Variants in HGS observed in about 807,000 individuals in gnomAD.
HGS encodes hepatocyte growth factor-regulated tyrosine kinase substrate, also known as human growth factor-regulated tyrosine kinase substrate.
In HGS, 63 loss-of-function variants were observed where a neutral mutation model predicts 109.7. That is an observed-to-expected ratio of 0.57 (90% confidence interval 0.47 to 0.71). The LOEUF (loss-of-function observed/expected upper bound fraction) is 0.71. Ranked by LOEUF, HGS falls within the 30% of genes least tolerant of loss-of-function variation. HGS has a pLI of 0.00. For missense variants in HGS, 995 were observed against 1,068.3 expected (o/e 0.93, Z 0.96); for synonymous variants, 546 against 437.3 (o/e 1.25, Z -3.10).
chr17:81,697,100 T>C, intron 18 of HGS, 102 bp downstream of exon 18: 2 of 1,263,812 alleles, frequency 1.6e-6, no homozygotes, highest in East Asian at 2.4e-5. Flanking sequence ...GTTTTCCCAG[T>C]TGCCCCGATG....
intron 3 of HGS, among the ~76,000 whole-genome samples, chr17:81,686,709 G>A (rs1292444149): frequency 6.6e-6 from 1 of 152,390 alleles, no homozygotes; most frequent in East Asian, 1.9e-4. Context: ...AGGCTGCTGA[G>A]TCTCAGATGT....
chr17:81,690,416 G>C lies in HGS; in HGVS notation c.468+182G>C. On this transcript the variant is annotated intron_variant, in intron 6 of 21. Coordinates refer to ENST00000329138, the MANE Select transcript of HGS (RefSeq NM_004712.5). ...TGTCTCTGCAGGGCGAGGTGGAGAC[G>C]TGGCTTGAGGGCCTTTAGAGTGGCT... 3 of 688,542 alleles carry C rather than the reference G, an allele frequency of 4.4e-6. No individual in the cohort carries two copies. In the South Asian group the frequency reaches 5.5e-5, roughly 13 times the overall value. The allele number at this position is 688,542 out of a possible 1,614,324, so 42.7% of individuals were successfully genotyped here.
rs753189262 is a variant in HGS at position 81,695,049 on chromosome 17, C to T, written c.1101C>T (p.Ala367=). 3.7e-6 allele frequency: 6 copies of T among 1,613,572 alleles called. No individual in the cohort carries two copies. The highest frequency in any genetic ancestry group is 3.3e-4 in the Middle Eastern group (2 of 6,060). ...PAAQPGEGHA[A]PTNVVENPLP... ...CACAGCCTGGGGAAGGGCACGCAGC[C>T]CCCACCAACGTGGTGGAGGTGAGGG... Residue 367 remains alanine, a synonymous_variant, in exon 13 of 22, where the codon GCC becomes GCT. Transcript: ENST00000329138.
intron 1 of HGS, 41 bp downstream of exon 1, chr17:81,684,144 G>C: frequency 6.8e-7 from 1 of 1,479,262 alleles, no homozygotes; most frequent in Non-Finnish European, 9.0e-7. Flanking sequence ...TGGTCAGCCC[G>C]CAGCCTCCGC....
In HGS at chr17:81,687,000, C is replaced by T; in HGVS notation, c.199-3C>T. ...CAACCCTTCCCTTCCTGGGCATCTG[C>T]AGGTCATGGAATCTGTGGTAAAGAA... On this transcript the variant is annotated splice_polypyrimidine_tract_variant and splice_region_variant and intron_variant, in intron 3 of 21. Transcript: ENST00000329138. The T allele has an allele frequency of 1.2e-6, 2 of 1,612,062 alleles. No individual in the cohort carries two copies. The highest frequency in any genetic ancestry group is 1.7e-6 in the Non-Finnish European group (2 of 1,179,200).
intron 1 of HGS, chr17:81,684,326 C>T (rs2036935051): frequency 2.7e-6 from 1 of 375,860 alleles, no homozygotes; most frequent in Non-Finnish European, 4.7e-6. Flanking sequence ...CTGCGAGGGT[C>T]CGCGCAGGGC....
rs1480120116 is a variant in HGS, at chr17:81,684,056, T to G, written c.-11T>G. On this transcript the variant is annotated 5_prime_UTR_variant, in exon 1 of 22. Transcript: ENST00000329138. ...AGCGCCCGCGGCGTCGGGTTTGGGC[T>G]GGAGGTCGCCATGGGGCGAGGCAGC... 2.5e-6 allele frequency: 4 copies of G among 1,593,448 alleles called. No homozygotes were observed. Among genetic ancestry groups the G allele is most frequent in the African/African-American group, 1.3e-5 (1 of 74,540 alleles).
chr17:81,693,997 C>G (rs779093567), intron 11 of HGS, 32 bp downstream of exon 11: 7 of 1,574,650 alleles, frequency 4.4e-6, no homozygotes, highest in African/African-American at 4.1e-5. Context: ...GCTCCCTCTC[C>G]TGGAAGGCAG....
chr17:81,690,587 G>A (rs1250139891), intron 6 of HGS, 87 bp from the exon 7 acceptor site: 18 of 1,346,130 alleles, frequency 1.3e-5, no homozygotes, highest in South Asian at 6.6e-5. Flanking sequence ...CTCTGGGTCC[G>A]TTGCCTTCTG....
chr17:81,696,319 G>T, intron 15 of HGS, 38 bp from the exon 16 acceptor site: 1 of 1,507,606 alleles, frequency 6.6e-7, no homozygotes, highest in Non-Finnish European at 8.8e-7. Context: ...TCGGCACTGT[G>T]CCGGAGTGGT....
At chr17:81,688,037 T>C (rs1018924360) in intron 4 of HGS, among the ~76,000 whole-genome samples, 1 of 152,086 alleles carries the variant, frequency 6.6e-6, no homozygotes, top group Non-Finnish European at 1.5e-5. Context: ...GGCAGGGCTG[T>C]GAAGGGAAGG....
At chr17:81,694,057 G>C in intron 11 of HGS, 92 bp downstream of exon 11, 1 of 1,094,644 alleles carries the variant, frequency 9.1e-7, no homozygotes, top group Non-Finnish European at 1.3e-6. Context: ...TCAGGTTGGT[G>C]GGGGATGCGG....
rs1394565793 is a variant in HGS, at chr17:81,691,507, A to G, written c.598A>G (p.Ile200Val). 1 of 1,614,198 alleles carries G rather than the reference A, an allele frequency of 6.2e-7. No homozygotes were observed. The highest frequency in any genetic ancestry group is 8.5e-7 in the Non-Finnish European group (1 of 1,180,032). ...CGKCSSKYST[I>V]PKFGIEKEVR... is the part of the protein sequence containing the mutation. ...AAAGTGTTCTTCCAAGTACTCCACC[A>G]TCCCCAAGTTTGGCATCGAGAAGGA... The change falls in exon 8 of 22, where the codon ATC becomes GTC. Residue 200 changes from isoleucine to valine, a missense_variant. Physicochemically the swap from Ile to Val is conservative, Grantham distance 29 (BLOSUM62 3). Around this residue, in one of 6 missense-constraint regions of HGS, gnomAD observed 182 missense variants for 261.3 expected, o/e 0.70. Transcript: ENST00000329138. This position sits in a 1 kb window ranked among gnomAD's most constrained non-coding sequence, Gnocchi z 5.3.
chr17:81,693,988 C>T, intron 11 of HGS, 23 bp downstream of exon 11: 1 of 1,587,426 alleles, frequency 6.3e-7, no homozygotes, highest in Admixed American at 1.8e-5. Flanking sequence ...TGGGCTGGAG[C>T]TCCCTCTCCT....
Position 81,687,043 on chromosome 17 carries a change from A to G in HGS, c.239A>G (p.His80Arg). Residue 80 changes from histidine (H) to arginine (R), a missense_variant, in exon 4 of 22, where the codon CAT (histidine) becomes CGT (arginine). This residue lies in a region of HGS where 182 missense variants were observed against 261.3 expected (regional missense o/e 0.70). Transcript: ENST00000329138. ...GTAAAGAACTGTGGCCAGACAGTTCATGATGAGGTGGCCAACAAGCAGACC... is the reference window on the plus strand; with the variant it reads ...GTAAAGAACTGTGGCCAGACAGTTCGTGATGAGGTGGCCAACAAGCAGACC... ...SVVKNCGQTV[H>R]DEVANKQTME... The G allele has an allele frequency of 1.2e-6, 2 of 1,613,452 alleles. No homozygotes were observed. The highest frequency in any genetic ancestry group is 1.7e-6 in the Non-Finnish European group (2 of 1,179,938).
chr17:81,696,567 G>T, intron 16 of HGS, 38 bp downstream of exon 16: 1 of 1,556,212 alleles, frequency 6.4e-7, no homozygotes, highest in East Asian at 2.3e-5. Context: ...GGGCCGGCTG[G>T]GGGACCTCGC....
rs758987034 is a variant in HGS at position 81,688,696 on chromosome 17, G to A, written c.292-8G>A. The stretch of plus-strand genomic sequence containing the variant: ...CTGCGACCCTCACCCCCTTCTCCCT[G>A]CCTGCAGAGACAAGTGGAGGTAAAC... On this transcript the variant is annotated splice_region_variant and splice_polypyrimidine_tract_variant and intron_variant, in intron 4 of 21. Coordinates refer to ENST00000329138, the MANE Select transcript of HGS (RefSeq NM_004712.5). The A allele has an allele frequency of 1.4e-4, 221 of 1,613,342 alleles. 4 individuals carry two copies. The East Asian group carries it at 4.7e-3, about 34-fold the overall frequency.
At chr17:81,700,037 T>G (rs1166010744) in intron 18 of HGS, among the ~76,000 whole-genome samples, 2 of 147,638 alleles carry the variant, frequency 1.4e-5, no homozygotes, top group Non-Finnish European at 3.0e-5. Flanking sequence ...ATCGCGCCAC[T>G]GCACTCCAGC....
chr17:81,700,360 T>G, intron 18 of HGS, 107 bp from the exon 19 acceptor site: 1 of 1,143,924 alleles, frequency 8.7e-7, no homozygotes, highest in Non-Finnish European at 1.2e-6. Flanking sequence ...AGAGCAGGAC[T>G]CCATCTCAAA....
Sources: gnomAD v4.1 joint callset for allele counts (sites outside exome capture counted in the v4.1 genomes callset) on GRCh38, gnomAD v4.1.1 for gene constraint, gnomAD v4.1.1 regional missense constraint, Gnocchi (gnomAD v3.1) non-coding constraint, MANE v1.5 for transcripts, NCBI Gene and HGNC (gene_info 2026-07-23, HGNC 2026-07-21) for gene names.